Variants in FBXL17 observed in about 807,000 individuals in gnomAD.
FBXL17 encodes the protein F-box and leucine rich repeat protein 17, also known as F-box/LRR-repeat protein 17.
FBXL17 carries 22 observed loss-of-function variants against 66.2 expected under a neutral mutation model. That is an observed-to-expected ratio of 0.33 (90% CI 0.24 to 0.47). FBXL17 has a LOEUF of 0.47. Among genes scored for constraint, FBXL17 ranks in the 20% least tolerant of loss-of-function variants. The probability of loss-of-function intolerance (pLI) is 1.00; values close to 1 mark genes in which losing one functional copy is unlikely to be tolerated. For missense variants in FBXL17, 878 were observed against 948.2 expected (o/e 0.93, Z 0.97); for synonymous variants, 474 against 400.5 (o/e 1.18, Z -2.19).
At chr5:107,930,783 A>G (rs1750703195) in intron 7 of FBXL17, among the ~76,000 whole-genome samples, 2 of 152,238 alleles carry the variant, frequency 1.3e-5, no homozygotes, top group Non-Finnish European at 2.9e-5. Flanking sequence ...ACAAACTATT[A>G]TGCATGCATA....
chr5:108,317,614 AC>A, intron 4 of FBXL17, among the ~76,000 whole-genome samples: 1 of 151,414 alleles, frequency 6.6e-6, no homozygotes, highest in Admixed American at 6.6e-5. Flanking sequence ...AGGATATAAT[AC>A]ACTAAAGGTT....
At chr5:108,274,509 TA>T (rs1172766302) in intron 4 of FBXL17, among the ~76,000 whole-genome samples, 16 of 152,178 alleles carry the variant, frequency 1.1e-4, no homozygotes, top group Non-Finnish European at 2.1e-4. Flanking sequence ...CCAAATTTCA[TA>T]TTACTCAAAC....
intron 7 of FBXL17, among the ~76,000 whole-genome samples, chr5:107,935,612 T>C (rs1054370424): frequency 5.3e-5 from 8 of 152,076 alleles, no homozygotes; most frequent in African/African-American, 1.2e-4. Context: ...GGAGCAACAA[T>C]AGAGAGGTAG....
intron 5 of FBXL17, among the ~76,000 whole-genome samples, chr5:108,189,180 T>A (rs903941928): frequency 6.6e-6 from 1 of 152,108 alleles, no homozygotes; most frequent in African/African-American, 2.4e-5. Flanking sequence ...CTTAGCTGTG[T>A]CCTCTGCCTA....
chr5:107,989,961 G>A (rs1346998988), intron 7 of FBXL17, among the ~76,000 whole-genome samples: 1 of 152,176 alleles, frequency 6.6e-6, no homozygotes, highest in Non-Finnish European at 1.5e-5. Context: ...AAGCTGTGAA[G>A]TTCTTTTCTT....
intron 7 of FBXL17, among the ~76,000 whole-genome samples, chr5:107,929,732 G>C (rs1310658657): frequency 1.3e-5 from 2 of 151,508 alleles, no homozygotes; most frequent in Admixed American, 1.3e-4. Flanking sequence ...ATCAAAGACA[G>C]AAAGCCTGTA....
intron 4 of FBXL17, among the ~76,000 whole-genome samples, chr5:108,258,497 G>T (rs964386552): frequency 6.6e-6 from 1 of 152,124 alleles, no homozygotes; most frequent in Non-Finnish European, 1.5e-5. Flanking sequence ...GCACTCAGTT[G>T]TTGAAAAGAA....
intron 8 of FBXL17, among the ~76,000 whole-genome samples, chr5:107,869,264 T>TCC (rs1395634975): frequency 2.6e-5 from 4 of 152,164 alleles, no homozygotes; most frequent in African/African-American, 9.7e-5. Flanking sequence ...CCTGCTTCTC[T>TCC]CCGCGTTTCT....
intron 4 of FBXL17, among the ~76,000 whole-genome samples, chr5:108,287,990 A>AT (rs1202242334): frequency 6.6e-6 from 1 of 152,060 alleles, no homozygotes; most frequent in Non-Finnish European, 1.5e-5. Flanking sequence ...AGAGGCCATT[A>AT]TACCAAGTGA....
chr5:108,291,015 T>C (rs1236108053), intron 4 of FBXL17, among the ~76,000 whole-genome samples: 1 of 152,124 alleles, frequency 6.6e-6, no homozygotes, highest in Non-Finnish European at 1.5e-5. Flanking sequence ...TGCAACGCCA[T>C]CTAAAATAAT....
intron 4 of FBXL17, among the ~76,000 whole-genome samples, chr5:108,324,403 T>C (rs1759755981): frequency 6.6e-6 from 1 of 152,006 alleles, no homozygotes; most frequent in Admixed American, 6.6e-5. Flanking sequence ...AGATGTCTAC[T>C]ATAAAAATAA....
intron 8 of FBXL17, chr5:107,879,326 T>A: frequency 2.0e-6 from 2 of 985,458 alleles, no homozygotes; most frequent in Non-Finnish European, 2.4e-6. Flanking sequence ...TGTCATTGAT[T>A]CCTGTTTCTA....
At chr5:108,018,780 G>A (rs1329383650) in intron 7 of FBXL17, among the ~76,000 whole-genome samples, 2 of 152,042 alleles carry the variant, frequency 1.3e-5, no homozygotes, top group Non-Finnish European at 2.9e-5. Context: ...TTCCGATTCC[G>A]CTCAAATGGA....
intron 6 of FBXL17, among the ~76,000 whole-genome samples, chr5:108,053,859 C>A (rs779694477): frequency 6.6e-6 from 1 of 152,098 alleles, no homozygotes; most frequent in Non-Finnish European, 1.5e-5. Flanking sequence ...ATAGAACCAA[C>A]CCAAATGCCC....
At chr5:108,262,074 A>T (rs202076223) in intron 4 of FBXL17, among the ~76,000 whole-genome samples, 5,445 of 135,400 alleles carry the variant, frequency 0.04, 399 homozygotes, top group East Asian at 0.25. Context: ...TTATTTATTT[A>T]TTTATTTATT....
intron 7 of FBXL17, among the ~76,000 whole-genome samples, chr5:107,981,427 C>T (rs1448798534): frequency 6.6e-6 from 1 of 152,224 alleles, no homozygotes; most frequent in Non-Finnish European, 1.5e-5. Context: ...GTGCTCCTCT[C>T]CATTTCCACA....
At chr5:108,129,533 C>T (rs1396203998) in intron 6 of FBXL17, among the ~76,000 whole-genome samples, 2 of 151,984 alleles carry the variant, frequency 1.3e-5, no homozygotes, top group African/African-American at 4.8e-5. Context: ...AATCACTTTG[C>T]AGATTTAACC....
At chr5:108,304,280 T>C (rs1758734850) in intron 4 of FBXL17, among the ~76,000 whole-genome samples, 1 of 152,054 alleles carries the variant, frequency 6.6e-6, no homozygotes, top group Non-Finnish European at 1.5e-5. Context: ...TATTTTAATC[T>C]TAATTTGAAT....
intron 6 of FBXL17, among the ~76,000 whole-genome samples, chr5:108,160,429 A>T (rs1752165213): frequency 6.6e-6 from 1 of 152,224 alleles, no homozygotes. Flanking sequence ...AATTAGACAA[A>T]CCACTACTTT....
Sources: allele counts gnomAD v4.1 joint callset (sites outside exome capture counted in the v4.1 genomes callset), GRCh38; gene constraint gnomAD v4.1.1; transcripts MANE v1.5; gene names NCBI Gene and HGNC (gene_info 2026-07-23, HGNC 2026-07-21).